The following MACROD2 variants were observed in gnomAD, a reference collection of about 807,000 sequenced individuals.
MACROD2 encodes ADP-ribose glycohydrolase MACROD2.
MACROD2 carries 36 observed loss-of-function variants against 70.4 expected under a neutral mutation model. The observed-to-expected ratio is 0.51, with a 90% CI of 0.39 to 0.68. The LOEUF (loss-of-function observed/expected upper bound fraction) is 0.68, where lower values mean the gene tolerates loss of function less well. Among genes scored for constraint, MACROD2 ranks in the 30% least tolerant of loss-of-function variants. The probability of loss-of-function intolerance (pLI) is 0.00; values close to 1 mark genes in which losing one functional copy is unlikely to be tolerated. For missense variants in MACROD2, 496 were observed against 538.4 expected, an observed-to-expected ratio of 0.92 and a Z score of 0.78; for synonymous variants, 172 against 178.8, an observed-to-expected ratio of 0.96 and a Z score of 0.30.
At chr20:15,423,006 A>C (rs2046250385) in intron 6 of MACROD2, among the ~76,000 whole-genome samples, 1 of 152,210 alleles carries the variant, frequency 6.6e-6, no homozygotes, top group Non-Finnish European at 1.5e-5. Context: ...TCTTTAAGCA[A>C]TTTTATTTTC....
At chr20:15,103,789 TTTGAGCTGAGACCAGAA>T (rs2075890639) in intron 5 of MACROD2, among the ~76,000 whole-genome samples, 1 of 152,148 alleles carries the variant, frequency 6.6e-6, no homozygotes, top group East Asian at 1.9e-4. Flanking sequence ...TCAGACGACA[TTTGAGCTGAGACCAGAA>T]TTGCATGAAG....
intron 8 of MACROD2, among the ~76,000 whole-genome samples, chr20:15,656,070 A>G (rs144456520): frequency 9.9e-5 from 15 of 152,122 alleles, no homozygotes; most frequent in Middle Eastern, 3.4e-3. Flanking sequence ...TAACTCCCCT[A>G]TTGTTTTTGG....
intron 3 of MACROD2, chr20:14,327,266 T>G (rs149194663): frequency 5.0e-6 from 8 of 1,613,698 alleles, no homozygotes; most frequent in Non-Finnish European, 6.8e-6. Flanking sequence ...TTCAGCAAGT[T>G]TTTCAAATCT....
At chr20:14,442,214 A>G (rs962375542) in intron 3 of MACROD2, among the ~76,000 whole-genome samples, 9 of 152,184 alleles carry the variant, frequency 5.9e-5, no homozygotes, top group South Asian at 4.1e-4. Flanking sequence ...AGGTTGCAGT[A>G]AGCTGAGATC....
At chr20:15,725,736 C>A (rs1192019273) in intron 8 of MACROD2, among the ~76,000 whole-genome samples, 1 of 151,588 alleles carries the variant, frequency 6.6e-6, no homozygotes, top group African/African-American at 2.4e-5. Flanking sequence ...TTTTTTTCAA[C>A]ATTTATTTTA....
At chr20:15,512,601 C>T (rs1423323791) in intron 8 of MACROD2, among the ~76,000 whole-genome samples, 1 of 152,140 alleles carries the variant, frequency 6.6e-6, no homozygotes, top group African/African-American at 2.4e-5. Context: ...AATTAATTCT[C>T]CCTGGACATG....
At chr20:14,174,334 G>T (rs983079051) in intron 3 of MACROD2, among the ~76,000 whole-genome samples, 1 of 152,146 alleles carries the variant, frequency 6.6e-6, no homozygotes, top group Non-Finnish European at 1.5e-5. Context: ...TCTTGGGCGG[G>T]TCTTGCTGTG....
At chr20:14,990,715 T>C (rs1298999239) in intron 5 of MACROD2, among the ~76,000 whole-genome samples, 1 of 151,854 alleles carries the variant, frequency 6.6e-6, no homozygotes, top group Admixed American at 6.6e-5. Flanking sequence ...GGTTTCACCA[T>C]ATTGGCCAGG....
At chr20:15,485,332 A>T (rs2047150053) in intron 7 of MACROD2, among the ~76,000 whole-genome samples, 1 of 138,514 alleles carries the variant, frequency 7.2e-6, no homozygotes, top group Non-Finnish European at 1.7e-5. Flanking sequence ...CTTCCCAAAG[A>T]GGTCCATCAA....
chr20:14,091,481 C>T (rs77991864), intron 3 of MACROD2, among the ~76,000 whole-genome samples: 4,035 of 152,092 alleles, frequency 0.027, 54 homozygotes, highest in Non-Finnish European at 0.032. Context: ...GGAAGTAAAT[C>T]GCAAATGTCT....
chr20:15,625,033 A>T (rs1200031587), intron 8 of MACROD2, among the ~76,000 whole-genome samples: 1 of 152,180 alleles, frequency 6.6e-6, no homozygotes, highest in Non-Finnish European at 1.5e-5. Flanking sequence ...AATATGTAGC[A>T]GTTTGTGAGG....
At chr20:15,562,298 G>C (rs1273179412) in intron 8 of MACROD2, among the ~76,000 whole-genome samples, 1 of 152,064 alleles carries the variant, frequency 6.6e-6, no homozygotes, top group Non-Finnish European at 1.5e-5. Flanking sequence ...CTTTTGTGAT[G>C]TGGGGCCTTC....
intron 6 of MACROD2, among the ~76,000 whole-genome samples, chr20:15,387,298 T>C (rs980975218): frequency 2.6e-5 from 4 of 152,084 alleles, no homozygotes; most frequent in African/African-American, 9.7e-5. Context: ...GGTTTAATCA[T>C]ATATTCTACT....
At chr20:14,952,063 G>T (rs1403402861) in intron 5 of MACROD2, among the ~76,000 whole-genome samples, 1 of 152,028 alleles carries the variant, frequency 6.6e-6, no homozygotes, top group African/African-American at 2.4e-5. Flanking sequence ...TTACCAGTGG[G>T]CATGATTTTC....
chr20:15,122,710 T>C (rs1299868199), intron 5 of MACROD2, among the ~76,000 whole-genome samples: 1 of 152,188 alleles, frequency 6.6e-6, no homozygotes, highest in Non-Finnish European at 1.5e-5. Flanking sequence ...ATTACTTCTC[T>C]GGCAGCAAGA....
chr20:14,758,077 C>G, intron 5 of MACROD2: 1 of 520,734 alleles, frequency 1.9e-6, no homozygotes, highest in Non-Finnish European at 3.5e-6. Context: ...GGTTATTTTG[C>G]ATTGTATAAA....
At chr20:15,654,591 C>T (rs1052079414) in intron 8 of MACROD2, among the ~76,000 whole-genome samples, 1 of 152,210 alleles carries the variant, frequency 6.6e-6, no homozygotes, top group African/African-American at 2.4e-5. Context: ...ACTCAAACTG[C>T]CCCCTTCAAA....
At chr20:14,951,411 C>T (rs1382949456) in intron 5 of MACROD2, among the ~76,000 whole-genome samples, 1 of 152,116 alleles carries the variant, frequency 6.6e-6, no homozygotes, top group Non-Finnish European at 1.5e-5. Flanking sequence ...CTCCTTTGAT[C>T]AATGAGTAAT....
chr20:14,591,672 G>A (rs1981780293), intron 4 of MACROD2, among the ~76,000 whole-genome samples: 1 of 152,156 alleles, frequency 6.6e-6, no homozygotes, highest in African/African-American at 2.4e-5. Context: ...AGTTTGAGGA[G>A]ACGTTTTTAT....
Sources: gnomAD v4.1 joint callset for allele counts (sites outside exome capture counted in the v4.1 genomes callset) on GRCh38, gnomAD v4.1.1 for gene constraint, MANE v1.5 for transcripts, NCBI Gene and HGNC (gene_info 2026-07-23, HGNC 2026-07-21) for gene names.